The following MACROD2 variants were observed in gnomAD, a reference collection of about 807,000 sequenced individuals.
MACROD2 encodes ADP-ribose glycohydrolase MACROD2.
A neutral mutation model predicts 70.4 loss-of-function variants in MACROD2; 36 were observed. That is an observed-to-expected ratio of 0.51 (90% CI 0.39 to 0.68). The LOEUF (loss-of-function observed/expected upper bound fraction) is 0.68. Ranked by LOEUF, MACROD2 falls within the 30% of genes least tolerant of loss-of-function variation. The pLI, the probability that MACROD2 is intolerant of heterozygous loss-of-function variation, is 0.00. For synonymous variants in MACROD2, 172 were observed against 178.8 expected (o/e 0.96, Z 0.30); for missense variants, 496 against 538.4 (o/e 0.92, Z 0.78).
At chr20:15,020,009 T>C (rs1271481843) in intron 5 of MACROD2, among the ~76,000 whole-genome samples, 2 of 152,168 alleles carry the variant, frequency 1.3e-5, no homozygotes, top group African/African-American at 4.8e-5. Context: ...TTTGCTTAAT[T>C]GTTGTTCAAA....
intron 8 of MACROD2, among the ~76,000 whole-genome samples, chr20:15,606,610 CT>C (rs1344903794): frequency 1.3e-5 from 2 of 152,180 alleles, no homozygotes; most frequent in Non-Finnish European, 2.9e-5. Context: ...CTTGCCACCC[CT>C]ATCATGAAGC....
intron 15 of MACROD2, among the ~76,000 whole-genome samples, chr20:16,020,283 G>A (rs915283995): frequency 1.3e-5 from 2 of 152,004 alleles, no homozygotes; most frequent in East Asian, 3.9e-4. Flanking sequence ...CTTCTGCTCT[G>A]GGCTTTTGCA....
At chr20:14,607,492 C>G (rs1163600718) in intron 4 of MACROD2, among the ~76,000 whole-genome samples, 1 of 152,166 alleles carries the variant, frequency 6.6e-6, no homozygotes, top group African/African-American at 2.4e-5. Flanking sequence ...ATTTTATGAA[C>G]TCTAATTCTG....
intron 5 of MACROD2, among the ~76,000 whole-genome samples, chr20:14,981,578 T>C (rs1359898915): frequency 6.6e-6 from 1 of 151,916 alleles, no homozygotes; most frequent in Non-Finnish European, 1.5e-5. Context: ...AATTGAATCA[T>C]GGGGGCAGAT....
chr20:15,438,087 G>A (rs767397444), intron 7 of MACROD2, among the ~76,000 whole-genome samples: 1 of 151,900 alleles, frequency 6.6e-6, no homozygotes, highest in Non-Finnish European at 1.5e-5. Flanking sequence ...CCCGGGAGGT[G>A]GAAGTTGCAG....
chr20:15,340,725 A>C (rs2078102081), intron 6 of MACROD2, among the ~76,000 whole-genome samples: 1 of 151,926 alleles, frequency 6.6e-6, no homozygotes, highest in South Asian at 2.1e-4. Context: ...CACTGTATAA[A>C]AGCTACAAAT....
At chr20:15,418,685 T>G (rs1338602381) in intron 6 of MACROD2, among the ~76,000 whole-genome samples, 1 of 152,174 alleles carries the variant, frequency 6.6e-6, no homozygotes, top group African/African-American at 2.4e-5. Context: ...AACCTCCACT[T>G]GGGTTTGTTT....
At chr20:15,350,423 C>A (rs1255264008) in intron 6 of MACROD2, among the ~76,000 whole-genome samples, 1 of 152,170 alleles carries the variant, frequency 6.6e-6, no homozygotes, top group Non-Finnish European at 1.5e-5. Flanking sequence ...TTTTAGTTCT[C>A]ACCTGAGTGT....
At chr20:14,065,054 A>G (rs2053739720) in intron 2 of MACROD2, among the ~76,000 whole-genome samples, 1 of 152,222 alleles carries the variant, frequency 6.6e-6, no homozygotes, top group Non-Finnish European at 1.5e-5. Context: ...ATTTAAGGAA[A>G]TCAAGAACAA....
chr20:15,989,832 A>T (rs927854251), intron 15 of MACROD2, among the ~76,000 whole-genome samples: 2 of 154 alleles, frequency 0.013, no homozygotes, highest in Admixed American at 0.062. Context: ...GATTCCTTTA[A>T]AAAAAAAAAA....
intron 5 of MACROD2, among the ~76,000 whole-genome samples, chr20:14,961,522 G>C (rs1013060278): frequency 6.6e-6 from 1 of 152,028 alleles, no homozygotes; most frequent in African/African-American, 2.4e-5. Flanking sequence ...TGTGTTTTTT[G>C]GGTTGTTGTT....
At chr20:15,861,152 T>C (rs1008679280) in intron 8 of MACROD2, among the ~76,000 whole-genome samples, 2 of 152,026 alleles carry the variant, frequency 1.3e-5, no homozygotes, top group Non-Finnish European at 2.9e-5. Context: ...ATTTAAACAG[T>C]ACTTATGAAT....
chr20:15,702,007 A>G (rs553798729), intron 8 of MACROD2, among the ~76,000 whole-genome samples: 11 of 152,270 alleles, frequency 7.2e-5, no homozygotes, highest in Admixed American at 3.3e-4. Context: ...ATTCTTTTTT[A>G]TGGCTATGTA....
chr20:15,625,352 G>A (rs1163333425), intron 8 of MACROD2, among the ~76,000 whole-genome samples: 1 of 152,212 alleles, frequency 6.6e-6, no homozygotes, highest in Non-Finnish European at 1.5e-5. Flanking sequence ...GTGGTATTCA[G>A]ATACCTTGCT....
At chr20:15,001,285 C>G (rs1485028752) in intron 5 of MACROD2, among the ~76,000 whole-genome samples, 1 of 152,164 alleles carries the variant, frequency 6.6e-6, no homozygotes, top group African/African-American at 2.4e-5. Context: ...GCAGTCCACT[C>G]AACACTCAAT....
intron 3 of MACROD2, among the ~76,000 whole-genome samples, chr20:14,442,640 C>A (rs547622839): frequency 2.0e-5 from 3 of 152,208 alleles, no homozygotes; most frequent in African/African-American, 7.2e-5. Flanking sequence ...CTTGCTGGAA[C>A]TTTCACTCCC....
At chr20:15,580,991 T>C (rs1315785055) in intron 8 of MACROD2, among the ~76,000 whole-genome samples, 2 of 152,176 alleles carry the variant, frequency 1.3e-5, no homozygotes, top group Non-Finnish European at 2.9e-5. Context: ...CCATTTTTCT[T>C]CCTGCAACAT....
chr20:15,005,900 G>A (rs1448238965), intron 5 of MACROD2, among the ~76,000 whole-genome samples: 1 of 152,126 alleles, frequency 6.6e-6, no homozygotes, highest in African/African-American at 2.4e-5. Context: ...GATTGAAAGA[G>A]CCGATTTTGC....
At chr20:15,519,072 T>TTCCTTCCC (rs1343176630) in intron 8 of MACROD2, among the ~76,000 whole-genome samples, 1 of 127,648 alleles carries the variant, frequency 7.8e-6, no homozygotes, top group Non-Finnish European at 1.6e-5. Flanking sequence ...CCTTCCTTCC[T>TTCCTTCCC]TCCTTCCTTC....
Sources: allele counts gnomAD v4.1 joint callset (sites outside exome capture counted in the v4.1 genomes callset), GRCh38; gene constraint gnomAD v4.1.1; transcripts MANE v1.5; gene names NCBI Gene and HGNC (gene_info 2026-07-23, HGNC 2026-07-21).